CHSY3: variants seen among roughly 807,000 people sequenced by gnomAD.
CHSY3 encodes N-acetylgalactosaminyl-proteoglycan 3-beta-glucuronosyltransferase 3.
CHSY3 carries 35 observed loss-of-function variants against 67.2 expected under a neutral mutation model. That is an observed-to-expected ratio of 0.52 (90% CI 0.40 to 0.69). CHSY3 has a LOEUF of 0.69. Ranked by LOEUF, CHSY3 falls within the 30% of genes least tolerant of loss-of-function variation. The pLI is 0.00. For synonymous variants in CHSY3, 474 were observed against 434.7 expected, an observed-to-expected ratio of 1.09 and a Z score of -1.12; for missense variants, 1,069 against 1,138.5, an observed-to-expected ratio of 0.94 and a Z score of 0.88.
chr5:129,931,586 A>G (rs568474195), intron 2 of CHSY3, among the ~76,000 whole-genome samples: 1 of 152,216 alleles, frequency 6.6e-6, no homozygotes, highest in South Asian at 2.1e-4. Context: ...TTGCTTTTCA[A>G]TTTTCCAGAT....
intron 2 of CHSY3, among the ~76,000 whole-genome samples, chr5:130,089,421 A>G (rs1470362468): frequency 2.0e-5 from 3 of 152,070 alleles, no homozygotes; most frequent in Non-Finnish European, 4.4e-5. Context: ...AGTAAAGTAC[A>G]GAAACTTCAT....
chr5:130,123,826 C>T (rs1206914655), intron 2 of CHSY3, among the ~76,000 whole-genome samples: 2 of 151,828 alleles, frequency 1.3e-5, no homozygotes, highest in Non-Finnish European at 2.9e-5. Context: ...GGGAGGCTGA[C>T]ATGGGCGGAT....
chr5:129,914,789 C>T (rs1266161243), intron 2 of CHSY3, among the ~76,000 whole-genome samples: 1 of 152,178 alleles, frequency 6.6e-6, no homozygotes, highest in African/African-American at 2.4e-5. Context: ...TAACTGATGT[C>T]TTATCACCTA....
chr5:130,122,127 A>G (rs1019307474), intron 2 of CHSY3, among the ~76,000 whole-genome samples: 2 of 152,238 alleles, frequency 1.3e-5, no homozygotes, highest in African/African-American at 4.8e-5. Context: ...ACATGAATTA[A>G]TAAGTAAACA....
intron 2 of CHSY3, among the ~76,000 whole-genome samples, chr5:129,911,182 A>C (rs1040648447): frequency 2.6e-5 from 4 of 151,788 alleles, no homozygotes; most frequent in African/African-American, 9.7e-5. Context: ...ATATAATTGT[A>C]TAGTTTCCTT....
chr5:129,934,833 A>C (rs1395106667), intron 2 of CHSY3, among the ~76,000 whole-genome samples: 3 of 152,204 alleles, frequency 2.0e-5, no homozygotes, highest in Non-Finnish European at 4.4e-5. Context: ...GCTTTATTAA[A>C]AGGCGTAGGT....
At chr5:129,959,201 T>G (rs560029114) in intron 2 of CHSY3, among the ~76,000 whole-genome samples, 5 of 152,262 alleles carry the variant, frequency 3.3e-5, no homozygotes, top group South Asian at 2.1e-4. Context: ...TCATTTATCT[T>G]TCTTCATTTT....
chr5:129,979,226 GAAAGAAAAGAA>G (rs1762906443), intron 2 of CHSY3, among the ~76,000 whole-genome samples: 1 of 106,794 alleles, frequency 9.4e-6, no homozygotes, highest in Non-Finnish European at 2.0e-5. Flanking sequence ...AAAAAAAAAA[GAAAGAAAAGAA>G]AAAGAAAAAT....
intron 2 of CHSY3, among the ~76,000 whole-genome samples, chr5:130,173,926 C>A (rs1769969351): frequency 6.6e-6 from 1 of 151,624 alleles, no homozygotes; most frequent in African/African-American, 2.4e-5. Flanking sequence ...TGAGGGCAAA[C>A]AATTGTGTTA....
intron 2 of CHSY3, among the ~76,000 whole-genome samples, chr5:130,182,979 A>C (rs1158002091): frequency 6.6e-6 from 1 of 151,028 alleles, no homozygotes; most frequent in African/African-American, 2.4e-5. Flanking sequence ...GTTTTTTTAA[A>C]TTTATGTACA....
At chr5:130,109,545 G>A (rs572758900) in intron 2 of CHSY3, among the ~76,000 whole-genome samples, 7 of 151,796 alleles carry the variant, frequency 4.6e-5, no homozygotes, top group African/African-American at 7.2e-5. Flanking sequence ...ACACACAATT[G>A]TTAGGCTTAA....
chr5:130,063,395 T>A (rs1580697692), intron 2 of CHSY3, among the ~76,000 whole-genome samples: 1 of 152,148 alleles, frequency 6.6e-6, no homozygotes, highest in East Asian at 1.9e-4. Flanking sequence ...AGTGAAACTG[T>A]CACTGTACTA....
chr5:129,994,425 T>C (rs1366716420), intron 2 of CHSY3, among the ~76,000 whole-genome samples: 1 of 152,156 alleles, frequency 6.6e-6, no homozygotes, highest in Non-Finnish European at 1.5e-5. Flanking sequence ...TTATTCTTTT[T>C]TCTCTAAACT....
intron 2 of CHSY3, among the ~76,000 whole-genome samples, chr5:130,127,587 G>T (rs1768335530): frequency 1.3e-5 from 2 of 152,116 alleles, no homozygotes; most frequent in East Asian, 3.9e-4. Flanking sequence ...ATGGATAAAG[G>T]CACTTTGTTT....
At chr5:130,069,783 A>G (rs1766002220) in intron 2 of CHSY3, among the ~76,000 whole-genome samples, 1 of 152,034 alleles carries the variant, frequency 6.6e-6, no homozygotes, top group Admixed American at 6.6e-5. Flanking sequence ...AACATGGAAA[A>G]CAAAAGATAT....
At chr5:130,091,044 T>A (rs560251387) in intron 2 of CHSY3, among the ~76,000 whole-genome samples, 1 of 152,216 alleles carries the variant, frequency 6.6e-6, no homozygotes, top group Admixed American at 6.5e-5. Context: ...TTTATATCTC[T>A]TATTTACCAG....
rs1224243895 is a variant in CHSY3 at position 129,944,421 on chromosome 5, G to A, written c.1086+36061G>A. On this transcript the variant is annotated intron_variant, in intron 2 of 2. Coordinates refer to ENST00000305031, the MANE Select transcript of CHSY3 (RefSeq NM_175856.5). ...TTTTTTTTTTTTGAGTTGGAGTTTC[G>A]CTCTGTCAGTTCAAGTGATTCTCCT... 4.6e-5 allele frequency among the ~76,000 whole-genome samples: 7 copies of A among 151,160 alleles called. No individual in the cohort carries two copies. The South Asian group carries it at 8.3e-4, about 18-fold the overall frequency.
chr5:129,933,683 T>G (rs1192720170), intron 2 of CHSY3, among the ~76,000 whole-genome samples: 3 of 152,134 alleles, frequency 2.0e-5, no homozygotes, highest in African/African-American at 7.2e-5. Context: ...CCAAAAATAG[T>G]TGATAATAAG....
intron 2 of CHSY3, among the ~76,000 whole-genome samples, chr5:129,965,354 T>G (rs965923846): frequency 6.6e-6 from 1 of 151,972 alleles, no homozygotes; most frequent in Non-Finnish European, 1.5e-5. Context: ...CATCACGTAT[T>G]ACTTTGATTT....
Sources: allele counts gnomAD v4.1 joint callset (sites outside exome capture counted in the v4.1 genomes callset), GRCh38; gene constraint gnomAD v4.1.1; transcripts MANE v1.5; gene names NCBI Gene and HGNC (gene_info 2026-07-23, HGNC 2026-07-21).